Variants in GAB1 observed in about 807,000 individuals in gnomAD.
GAB1 encodes GRB2-associated-binding protein 1.
GAB1 carries 19 observed loss-of-function variants against 66.5 expected under a neutral mutation model. The observed-to-expected ratio is 0.29, with a 90% CI of 0.20 to 0.42. The LOEUF (loss-of-function observed/expected upper bound fraction) is 0.42, where lower values mean the gene tolerates loss of function less well. Among genes scored for constraint, GAB1 ranks in the 10% least tolerant of loss-of-function variants. The probability of loss-of-function intolerance (pLI) is 1.00; values close to 1 mark genes in which losing one functional copy is unlikely to be tolerated. For synonymous variants in GAB1, 294 were observed against 301.4 expected, an observed-to-expected ratio of 0.98 and a Z score of 0.25; for missense variants, 732 against 858.5, an observed-to-expected ratio of 0.85 and a Z score of 1.84.
At position 143,472,478 on chromosome 4, in the gene GAB1, T is replaced by C. The variant is rs1299588056; in HGVS notation, c.*3289T>C. The C allele has an allele frequency of 6.6e-6, 1 of 152,210 alleles. No homozygotes were observed. Among genetic ancestry groups the C allele is most frequent in the Non-Finnish European group, 1.5e-5 (1 of 68,044 alleles). The allele number at this position is 152,210 out of a possible 1,614,324, so 9.4% of individuals were successfully genotyped here. On this transcript the variant is annotated 3_prime_UTR_variant, in exon 10 of 10. Coordinates refer to ENST00000262994, the MANE Select transcript of GAB1 (RefSeq NM_002039.4). ...CTTTTTCTACTTATGGGAAGTTGTC[T>C]GCTTCCCCCTTTAGAGAAAACAGTA...
intron 3 of GAB1, chr4:143,434,292 T>G (rs1733827419): frequency 6.3e-6 from 2 of 316,654 alleles, no homozygotes; most frequent in Admixed American, 4.3e-5. Context: ...ATAAATATAT[T>G]CCTAAAAATT....
intron 2 of GAB1, among the ~76,000 whole-genome samples, chr4:143,417,950 G>C (rs1207657278): frequency 6.6e-6 from 1 of 152,224 alleles, no homozygotes; most frequent in African/African-American, 2.4e-5. Context: ...GTGGAAAATT[G>C]TGTTAATAAT....
At position 143,436,256 on chromosome 4, in the gene GAB1, A is replaced by T. The variant is rs142008088; in HGVS notation, c.594-1743A>T. Among the ~76,000 whole-genome samples the T allele has an allele frequency of 2.1e-3, 320 of 152,288 alleles. 1 individual carries two copies. Among genetic ancestry groups the T allele is most frequent in the African/African-American group, 7.3e-3 (304 of 41,570 alleles). On this transcript the variant is annotated intron_variant, in intron 3 of 9. Transcript: ENST00000262994. Reference sequence around the variant, plus strand: ...AGGGAAAGGAGAGATGTGAGCAAGCATGGTGGGAGGAAGATAATGAGGAGG... The same window carrying T: ...AGGGAAAGGAGAGATGTGAGCAAGCTTGGTGGGAGGAAGATAATGAGGAGG...
At chr4:143,368,998 G>A (rs1730002216) in intron 1 of GAB1, among the ~76,000 whole-genome samples, 1 of 151,862 alleles carries the variant, frequency 6.6e-6, no homozygotes. Context: ...GGAGTGCAGT[G>A]GCATGATCTC....
At chr4:143,458,298 A>G (rs1735301559) in intron 6 of GAB1, among the ~76,000 whole-genome samples, 1 of 152,118 alleles carries the variant, frequency 6.6e-6, no homozygotes, top group Admixed American at 6.5e-5. Flanking sequence ...GTTTCAGCTC[A>G]AATTAGTAAG....
Position 143,341,787 on chromosome 4 carries a change from CA to C in GAB1, c.72+4528del, listed in dbSNP as rs1295961334. On this transcript the variant is annotated intron_variant, in intron 1 of 9. Coordinates refer to ENST00000262994, the MANE Select transcript of GAB1 (RefSeq NM_002039.4). The stretch of plus-strand genomic sequence containing the variant: ...CTGACATGGAGGAGAGGGGCGTGGG[CA>C]GGCCAAGTGTCAGCATCTCCTTGGT... 2.0e-5 allele frequency among the ~76,000 whole-genome samples: 3 copies of C among 152,298 alleles called. No homozygotes were observed. In the East Asian group the frequency reaches 5.8e-4, roughly 29 times the overall value.
chr4:143,406,475 G>A (rs1732047160), intron 1 of GAB1, among the ~76,000 whole-genome samples: 2 of 152,194 alleles, frequency 1.3e-5, no homozygotes, highest in South Asian at 4.1e-4. Flanking sequence ...TTCACTAGCT[G>A]CAACTTGTGT....
intron 1 of GAB1, among the ~76,000 whole-genome samples, chr4:143,407,743 T>C (rs1389462449): frequency 1.3e-5 from 2 of 152,178 alleles, no homozygotes; most frequent in Non-Finnish European, 2.9e-5. Flanking sequence ...TTCCTTATTT[T>C]GCTCTATGAG....
chr4:143,401,181 C>T (rs954737081), intron 1 of GAB1, among the ~76,000 whole-genome samples: 11 of 152,110 alleles, frequency 7.2e-5, no homozygotes, highest in Admixed American at 1.3e-4. Context: ...AGTATAAACA[C>T]TTGAATTGCC....
At chr4:143,403,930 G>A (rs900804237) in intron 1 of GAB1, among the ~76,000 whole-genome samples, 3 of 152,294 alleles carry the variant, frequency 2.0e-5, no homozygotes, top group South Asian at 2.1e-4. Context: ...ATATTTAAGC[G>A]TTATTTTGGC....
chr4:143,399,992 G>A (rs1226056614), intron 1 of GAB1, among the ~76,000 whole-genome samples: 1 of 149,962 alleles, frequency 6.7e-6, no homozygotes, highest in Admixed American at 6.7e-5. Context: ...AGGCTGGAGT[G>A]CAGTGGCGCA....
At chr4:143,467,769 G>A (rs1182314893) in intron 9 of GAB1, among the ~76,000 whole-genome samples, 1 of 152,146 alleles carries the variant, frequency 6.6e-6, no homozygotes, top group Non-Finnish European at 1.5e-5. Context: ...CTAGCTTGAT[G>A]AGATATTCTC....
chr4:143,374,900 G>C (rs1380390404), intron 1 of GAB1, among the ~76,000 whole-genome samples: 1 of 152,210 alleles, frequency 6.6e-6, no homozygotes, highest in Non-Finnish European at 1.5e-5. Context: ...AATCCAGAAT[G>C]ACTTGTAAGG....
chr4:143,348,315 A>G (rs1012788669), intron 1 of GAB1, among the ~76,000 whole-genome samples: 33 of 152,332 alleles, frequency 2.2e-4, no homozygotes, highest in Admixed American at 1.2e-3. Context: ...GTTTAAATCC[A>G]AAACTGCTTA....
chr4:143,363,808 C>T (rs1729760253), intron 1 of GAB1, among the ~76,000 whole-genome samples: 1 of 152,102 alleles, frequency 6.6e-6, no homozygotes. Context: ...CTTGGGGCCA[C>T]ACCCAGGCAG....
chr4:143,447,696 A>G (rs967050110), intron 6 of GAB1, among the ~76,000 whole-genome samples: 31 of 152,192 alleles, frequency 2.0e-4, no homozygotes, highest in African/African-American at 6.3e-4. Context: ...AGCTGAGACA[A>G]TGGGGTTTTC....
intron 1 of GAB1, among the ~76,000 whole-genome samples, chr4:143,362,198 T>C (rs1729690419): frequency 6.6e-6 from 1 of 152,174 alleles, no homozygotes; most frequent in Non-Finnish European, 1.5e-5. Context: ...GGACAACAGC[T>C]ACCTTCCTAC....
chr4:143,350,298 T>TA (rs1560712928), intron 1 of GAB1, among the ~76,000 whole-genome samples: 2 of 152,180 alleles, frequency 1.3e-5, no homozygotes, highest in African/African-American at 4.8e-5. Flanking sequence ...AACTGCCTGA[T>TA]TGGGACTAAG....
chr4:143,356,381 T>C (rs920775363), intron 1 of GAB1, among the ~76,000 whole-genome samples: 1 of 152,204 alleles, frequency 6.6e-6, no homozygotes. Context: ...TGGAAAATTG[T>C]TTTTAAAAAA....
Sources: allele counts gnomAD v4.1 joint callset (sites outside exome capture counted in the v4.1 genomes callset), GRCh38; gene constraint gnomAD v4.1.1; transcripts MANE v1.5; gene names NCBI Gene and HGNC (gene_info 2026-07-23, HGNC 2026-07-21).